Variants in SCLT1 observed in about 807,000 individuals in gnomAD.
The protein encoded by SCLT1 is sodium channel-associated protein 1.
SCLT1 carries 78 observed loss-of-function variants against 112.8 expected under a neutral mutation model. The ratio of observed to expected loss-of-function variants is 0.69; its 90% confidence interval spans 0.58 to 0.83. The LOEUF (loss-of-function observed/expected upper bound fraction) is 0.83. Ranked by LOEUF, SCLT1 falls within the 40% of genes least tolerant of loss-of-function variation. The pLI is 0.00. For missense variants in SCLT1, 747 were observed against 770.4 expected (o/e 0.97, Z 0.36); for synonymous variants, 257 against 254.7 (o/e 1.01, Z -0.09).
At chr4:128,912,856 G>T (rs1448142966) in intron 18 of SCLT1, among the ~76,000 whole-genome samples, 2 of 152,146 alleles carry the variant, frequency 1.3e-5, no homozygotes, top group Non-Finnish European at 2.9e-5. Flanking sequence ...AAGAAAAAAA[G>T]ATGGCAAAAA....
intron 5 of SCLT1, among the ~76,000 whole-genome samples, chr4:129,034,968 T>G (rs1262428623): frequency 6.6e-6 from 1 of 152,136 alleles, no homozygotes; most frequent in African/African-American, 2.4e-5. Flanking sequence ...CTACAAGTAA[T>G]AAAACACCCA....
At chr4:128,877,077 T>TATC (rs1287936380) in intron 3 of SCLT1, among the ~76,000 whole-genome samples, 4 of 152,242 alleles carry the variant, frequency 2.6e-5, no homozygotes, top group African/African-American at 9.6e-5. Context: ...TTGCCAATGG[T>TATC]ATCTCCATAG....
chr4:128,961,537 T>G (rs1213981386), intron 11 of SCLT1, among the ~76,000 whole-genome samples: 2 of 152,200 alleles, frequency 1.3e-5, no homozygotes, highest in Non-Finnish European at 2.9e-5. Context: ...ATTTCTTTTT[T>G]TTTAAATAGT....
chr4:128,953,260 A>C (rs936270593), intron 13 of SCLT1, among the ~76,000 whole-genome samples: 2 of 152,316 alleles, frequency 1.3e-5, no homozygotes, highest in East Asian at 3.9e-4. Flanking sequence ...CAAAACTAAA[A>C]ATTTTTGAGA....
At chr4:129,006,680 T>G (rs1282912636) in intron 5 of SCLT1, among the ~76,000 whole-genome samples, 3 of 152,226 alleles carry the variant, frequency 2.0e-5, no homozygotes, top group Non-Finnish European at 2.9e-5. Flanking sequence ...TACCTATACA[T>G]AGTTTAATTT....
chr4:129,028,005 C>T (rs1397666374), intron 5 of SCLT1, among the ~76,000 whole-genome samples: 1 of 152,070 alleles, frequency 6.6e-6, no homozygotes, highest in African/African-American at 2.4e-5. Flanking sequence ...AACTACAAAC[C>T]ACTGCTCAAT....
At chr4:128,931,158 G>T (rs1331991339) in intron 18 of SCLT1, among the ~76,000 whole-genome samples, 1 of 151,526 alleles carries the variant, frequency 6.6e-6, no homozygotes, top group Admixed American at 6.6e-5. Context: ...TAGGCAGAAG[G>T]TTTTTGGGGG....
At chr4:129,063,718 C>T (rs1750207760) in intron 2 of SCLT1, among the ~76,000 whole-genome samples, 1 of 152,172 alleles carries the variant, frequency 6.6e-6, no homozygotes, top group South Asian at 2.1e-4. Flanking sequence ...GATACACAGC[C>T]CTTTCTTGAG....
intron 5 of SCLT1, among the ~76,000 whole-genome samples, chr4:129,030,610 TA>T (rs1746622730): frequency 6.6e-6 from 1 of 151,642 alleles, no homozygotes; most frequent in Admixed American, 6.6e-5. Context: ...ATAGACACAA[TA>T]AAAAATGATA....
At chr4:128,884,572 A>T in intron 20 of SCLT1, 33 bp from the exon 21 acceptor site, 1 of 1,389,664 alleles carries the variant, frequency 7.2e-7, no homozygotes, top group Middle Eastern at 2.0e-4. Flanking sequence ...GTAAGTAGTT[A>T]CTTTTTCTGT....
At chr4:129,072,245 G>A (rs551128125) in intron 2 of SCLT1, among the ~76,000 whole-genome samples, 138 of 152,146 alleles carry the variant, frequency 9.1e-4, no homozygotes, top group Middle Eastern at 3.4e-3. Flanking sequence ...AAGATTTTTT[G>A]CTTCATCTTA....
intron 5 of SCLT1, among the ~76,000 whole-genome samples, chr4:129,011,364 T>C (rs774493473): frequency 6.6e-6 from 1 of 152,184 alleles, no homozygotes; most frequent in Non-Finnish European, 1.5e-5. Flanking sequence ...ATCAGGGATA[T>C]TGGCCTGAAG....
intron 18 of SCLT1, among the ~76,000 whole-genome samples, chr4:128,898,380 C>T (rs571572892): frequency 2.7e-4 from 41 of 152,210 alleles, no homozygotes; most frequent in African/African-American, 8.4e-4. Flanking sequence ...CACTCAAAAC[C>T]GCTCAACTAC....
intron 2 of SCLT1, among the ~76,000 whole-genome samples, chr4:129,066,146 C>A (rs1750464835): frequency 6.6e-6 from 1 of 151,898 alleles, no homozygotes; most frequent in Non-Finnish European, 1.5e-5. Context: ...AAATTCACAG[C>A]AGAAAAACAT....
chr4:128,999,877 A>G (rs1257871200), intron 6 of SCLT1, 83 bp from the exon 7 acceptor site: 2 of 814,422 alleles, frequency 2.5e-6, no homozygotes, highest in Non-Finnish European at 3.6e-6. Context: ...CTTTTATAGA[A>G]TAAGTTCTTA....
At chr4:129,035,029 T>A (rs2126152077) in intron 5 of SCLT1, among the ~76,000 whole-genome samples, 1 of 152,266 alleles carries the variant, frequency 6.6e-6, no homozygotes, top group East Asian at 1.9e-4. Context: ...CTAATGTATC[T>A]CAAAGCCTTA....
intron 5 of SCLT1, among the ~76,000 whole-genome samples, chr4:129,014,534 G>A (rs1236764908): frequency 1.3e-5 from 2 of 152,130 alleles, no homozygotes; most frequent in Non-Finnish European, 2.9e-5. Context: ...ATCATATAGG[G>A]TAGATTTAGC....
chr4:128,984,817 T>G (rs1289433136), intron 9 of SCLT1, among the ~76,000 whole-genome samples: 2 of 152,116 alleles, frequency 1.3e-5, no homozygotes, highest in African/African-American at 4.8e-5. Flanking sequence ...TCTCATTTGT[T>G]TATTTTTGTT....
chr4:128,889,083 AAAACAC>A (rs1419127034), intron 19 of SCLT1, among the ~76,000 whole-genome samples: 3 of 152,264 alleles, frequency 2.0e-5, no homozygotes, highest in Non-Finnish European at 4.4e-5. Context: ...CTGGACTGTG[AAAACAC>A]AGACTGCTGG....
Sources: gnomAD v4.1 joint callset for allele counts (sites outside exome capture counted in the v4.1 genomes callset) on GRCh38, gnomAD v4.1.1 for gene constraint, MANE v1.5 for transcripts, NCBI Gene and HGNC (gene_info 2026-07-23, HGNC 2026-07-21) for gene names.